Variants in MME observed in about 807,000 individuals in gnomAD.
The protein encoded by MME is membrane metalloendopeptidase, also known as neprilysin.
In MME, 98 loss-of-function variants were observed where a neutral mutation model predicts 113.2. The ratio of observed to expected loss-of-function variants is 0.87; its 90% CI spans 0.74 to 1.02. The LOEUF is 1.02. Ranked by LOEUF, MME falls within the 50% of genes least tolerant of loss-of-function variation. The pLI is 0.00. For missense variants in MME, 836 were observed against 896.0 expected (o/e 0.93, Z 0.86); for synonymous variants, 292 against 300.6 (o/e 0.97, Z 0.30).
chr3:155,160,965 G>A (rs1292516937), intron 17 of MME, among the ~76,000 whole-genome samples: 2 of 151,834 alleles, frequency 1.3e-5, no homozygotes, highest in African/African-American at 2.4e-5. Flanking sequence ...AATTATATTC[G>A]ATTGAATCGT....
At chr3:155,089,781 C>A in intron 3 of MME, 1 of 414,650 alleles carries the variant, frequency 2.4e-6, no homozygotes, top group South Asian at 1.7e-5. Context: ...AGTTGAAGAC[C>A]AGCCTGGCCT....
In MME at chr3:155,116,795, T is replaced by C. The variant is rs771589640; in HGVS notation, c.535+36T>C. The stretch of plus-strand genomic sequence containing the variant: ...TTTCCTACTAAAAAAGAAATTTCCA[T>C]GTAAAATCTATGTTATAATATCATT... On this transcript the variant is annotated intron_variant, in intron 6 of 22. Coordinates refer to ENST00000360490, the MANE Select transcript of MME (RefSeq NM_007289.4). 1.2e-5 allele frequency: 19 copies of C among 1,584,314 alleles called. No homozygotes were observed. The South Asian group carries it at 2.1e-4, about 18-fold the overall frequency.
chr3:155,058,767 C>T (rs990847813), intron 1 of MME, among the ~76,000 whole-genome samples: 9 of 152,020 alleles, frequency 5.9e-5, no homozygotes, highest in African/African-American at 1.7e-4. Flanking sequence ...TTGAAAAATC[C>T]GAATATTTTA....
intron 1 of MME, among the ~76,000 whole-genome samples, chr3:155,044,895 A>G (rs1466269781): frequency 3.3e-5 from 5 of 152,098 alleles, no homozygotes; most frequent in African/African-American, 1.2e-4. Flanking sequence ...AATGTTTTAA[A>G]TACATGCATA....
intron 1 of MME, among the ~76,000 whole-genome samples, chr3:155,067,740 A>G (rs943540458): frequency 3.9e-5 from 6 of 152,324 alleles, no homozygotes; most frequent in Admixed American, 3.3e-4. Flanking sequence ...ATACACCATC[A>G]TACACCAATT....
chr3:155,040,486 CA>C (rs1465603646), intron 1 of MME, among the ~76,000 whole-genome samples: 1 of 151,582 alleles, frequency 6.6e-6, no homozygotes, highest in East Asian at 1.9e-4. Flanking sequence ...AATACACGCA[CA>C]TATATATAAA....
chr3:155,135,225 A>AAT (rs561277430), intron 8 of MME, among the ~76,000 whole-genome samples: 37 of 152,276 alleles, frequency 2.4e-4, no homozygotes, highest in African/African-American at 7.9e-4. Flanking sequence ...GCTGGCATCC[A>AAT]GAAAGGTATT....
chr3:155,078,594 A>C (rs1451648604), upstream of MME, among the ~76,000 whole-genome samples: 1 of 152,118 alleles, frequency 6.6e-6, no homozygotes, highest in Non-Finnish European at 1.5e-5. Flanking sequence ...TATTAAAAAC[A>C]GATAATTGCA....
chr3:155,172,532 C>G lies in MME; in HGVS notation c.2077-4C>G. 1.2e-6 allele frequency: 2 copies of G among 1,607,516 alleles called. No individual in the cohort carries two copies. The highest frequency in any genetic ancestry group is 1.7e-6 in the Non-Finnish European group (2 of 1,174,248). On this transcript the variant is annotated splice_region_variant and splice_polypyrimidine_tract_variant and intron_variant, in intron 21 of 22. Transcript: ENST00000360490. The stretch of plus-strand genomic sequence containing the variant: ...TGCTTTGCTTTTCCTATTCCTATCT[C>G]TAGGTGTGGTGTGGAACCTATAGGC...
intron 1 of MME, among the ~76,000 whole-genome samples, chr3:155,062,469 C>T (rs900442069): frequency 1.3e-5 from 2 of 152,064 alleles, no homozygotes; most frequent in African/African-American, 4.8e-5. Context: ...TCCTTCATTA[C>T]CAACAAGAGG....
chr3:155,133,958 A>G (rs181838134), intron 8 of MME, among the ~76,000 whole-genome samples: 72 of 151,610 alleles, frequency 4.7e-4, no homozygotes, highest in Admixed American at 3.5e-3. Context: ...AAAACACTGC[A>G]TGCTTGTACT....
intron 17 of MME, among the ~76,000 whole-genome samples, chr3:155,165,807 G>C (rs1723050770): frequency 6.6e-6 from 1 of 152,140 alleles, no homozygotes; most frequent in Non-Finnish European, 1.5e-5. Flanking sequence ...TAAAAGAAAG[G>C]AGGCATCTAA....
intron 16 of MME, among the ~76,000 whole-genome samples, chr3:155,149,383 C>T (rs1721755160): frequency 6.6e-6 from 1 of 152,056 alleles, no homozygotes; most frequent in African/African-American, 2.4e-5. Flanking sequence ...ATCTAGCATA[C>T]TGAAGAATCT....
chr3:155,167,893 A>G lies in MME; in HGVS notation c.1781-599A>G, dbSNP rs545266522. The stretch of plus-strand genomic sequence containing the variant: ...AGGTGAATTCAAGTAGGTTGGCTAC[A>G]TAGCCCTTTTCTTAATCACTACGTC... On this transcript the variant is annotated intron_variant, in intron 18 of 22. Transcript: ENST00000360490. Among the ~76,000 whole-genome samples, 389 of 152,350 alleles carry G rather than the reference A, an allele frequency of 2.6e-3. 4 individuals are homozygous for G. Among genetic ancestry groups the G allele is most frequent in the Middle Eastern group, 0.014 (4 of 294 alleles).
chr3:155,160,393 G>A lies in MME; in HGVS notation c.1605G>A (p.Trp535Ter). Residue 535 changes from tryptophan to a stop codon, truncating the protein, a stop_gained, in exon 17 of 23, where the codon TGG becomes TGA. Transcript: ENST00000360490. LOFTEE classifies it high-confidence loss of function. ...KLREKVDKDE[W>*]ISGAAVVNAF... ...AGAGTTCTTATGTTTTCTACAGGTGGATAAGTGGAGCAGCTGTAGTCAATG... is the reference window on the plus strand; with the variant it reads ...AGAGTTCTTATGTTTTCTACAGGTGAATAAGTGGAGCAGCTGTAGTCAATG... 6.2e-7 allele frequency: 1 copy of A among 1,605,496 alleles called. No individual in the cohort carries two copies. Among genetic ancestry groups the A allele is most frequent in the Non-Finnish European group, 8.5e-7 (1 of 1,172,510 alleles).
At chr3:155,172,752 G>A (rs1247047941) in intron 22 of MME, 140 bp downstream of exon 22, 14 of 687,304 alleles carry the variant, frequency 2.0e-5, no homozygotes, top group Non-Finnish European at 7.9e-6. Context: ...GTCAAAGGTA[G>A]GATCGAGAGA....
intron 3 of MME, among the ~76,000 whole-genome samples, chr3:155,096,541 G>A (rs1424347110): frequency 1.3e-5 from 2 of 152,092 alleles, no homozygotes; most frequent in African/African-American, 4.8e-5. Flanking sequence ...GCGGTGGGAG[G>A]TCACAGAAGG....
intron 16 of MME, among the ~76,000 whole-genome samples, chr3:155,156,965 T>G (rs1722363324): frequency 6.6e-6 from 1 of 152,136 alleles, no homozygotes. Context: ...TGTTGTCTTC[T>G]GCTTTTCTTC....
At chr3:155,118,715 A>G (rs199511012) in intron 7 of MME, 31 bp from the exon 8 acceptor site, 1 of 1,392,182 alleles carries the variant, frequency 7.2e-7, no homozygotes, top group Non-Finnish European at 1.0e-6. Flanking sequence ...TCACTGAATG[A>G]TTTATTTTCT....
Sources: gnomAD v4.1 joint callset for allele counts (sites outside exome capture counted in the v4.1 genomes callset) on GRCh38, gnomAD v4.1.1 for gene constraint, MANE v1.5 for transcripts, NCBI Gene and HGNC (gene_info 2026-07-23, HGNC 2026-07-21) for gene names.